Variants in PLXNA4 observed in about 807,000 individuals in gnomAD.
PLXNA4 encodes plexin-A4.
Under a neutral mutation model 191.8 loss-of-function variants are expected in PLXNA4, and 44 were observed. That is an observed-to-expected ratio of 0.23 (90% CI 0.18 to 0.29). The LOEUF (loss-of-function observed/expected upper bound fraction) is 0.29, where lower values mean the gene tolerates loss of function less well. Among genes scored for constraint, PLXNA4 ranks in the 10% least tolerant of loss-of-function variants. The probability of loss-of-function intolerance (pLI) is 1.00; values close to 1 mark genes in which losing one functional copy is unlikely to be tolerated. For synonymous variants in PLXNA4, 1,082 were observed against 1,009.5 expected (o/e 1.07, Z -1.36); for missense variants, 1,800 against 2,488.8 (o/e 0.72, Z 5.89).
At chr7:132,360,854 AC>A (rs1390192913) in intron 3 of PLXNA4, among the ~76,000 whole-genome samples, 1 of 152,166 alleles carries the variant, frequency 6.6e-6, no homozygotes, top group Non-Finnish European at 1.5e-5. Flanking sequence ...CCTCAAGTCT[AC>A]CGAGTGCATT....
intron 1 of PLXNA4, among the ~76,000 whole-genome samples, chr7:132,558,006 T>C (rs1375504899): frequency 1.3e-5 from 2 of 152,124 alleles, no homozygotes; most frequent in Non-Finnish European, 2.9e-5. Flanking sequence ...TCTAAGACAA[T>C]GCCTGCTTTC....
chr7:132,620,927 G>A (rs1261203072), intron 2 of PLXNA4, among the ~76,000 whole-genome samples: 1 of 152,110 alleles, frequency 6.6e-6, no homozygotes, highest in Non-Finnish European at 1.5e-5. Context: ...TCCAGTAAAG[G>A]CCTGCTTCTT....
chr7:132,539,522 G>A (rs1332844964), intron 1 of PLXNA4, among the ~76,000 whole-genome samples: 2 of 152,176 alleles, frequency 1.3e-5, no homozygotes, highest in African/African-American at 4.8e-5. Flanking sequence ...AGCCCTCCAG[G>A]AAGCTCTGAA....
At chr7:132,157,954 C>A (rs1033105753) in intron 25 of PLXNA4, among the ~76,000 whole-genome samples, 3 of 152,218 alleles carry the variant, frequency 2.0e-5, no homozygotes, top group Non-Finnish European at 4.4e-5. Context: ...CACAGACACA[C>A]AGGTCTGGTC....
intron 3 of PLXNA4, among the ~76,000 whole-genome samples, chr7:132,420,993 T>A (rs1794831158): frequency 6.6e-6 from 1 of 152,216 alleles, no homozygotes; most frequent in African/African-American, 2.4e-5. Context: ...AGGTATGTCT[T>A]TATCAGCAGT....
At chr7:132,410,908 G>T (rs147865459) in intron 3 of PLXNA4, among the ~76,000 whole-genome samples, 2 of 152,126 alleles carry the variant, frequency 1.3e-5, no homozygotes, top group Non-Finnish European at 1.5e-5. Context: ...AACCTCAGAC[G>T]TGAGCCCCAG....
At chr7:132,420,417 C>T (rs1051064493) in intron 3 of PLXNA4, among the ~76,000 whole-genome samples, 3 of 152,160 alleles carry the variant, frequency 2.0e-5, no homozygotes, top group Admixed American at 2.0e-4. Context: ...GAATCTATGG[C>T]TGGGCTCATC....
At chr7:132,264,364 G>C (rs1328043281) in intron 4 of PLXNA4, 2 of 152,228 alleles carry the variant, frequency 1.3e-5, no homozygotes, top group Non-Finnish European at 2.9e-5. Context: ...TTATTGTGGG[G>C]TCAACTGTCT....
chr7:132,416,466 G>A (rs191812876), intron 3 of PLXNA4, among the ~76,000 whole-genome samples: 12 of 152,258 alleles, frequency 7.9e-5, no homozygotes, highest in East Asian at 5.8e-4. Context: ...CAGTTATGTC[G>A]AAGGCTCTTC....
intron 1 of PLXNA4, among the ~76,000 whole-genome samples, chr7:132,545,741 T>C (rs1800274026): frequency 6.6e-6 from 1 of 151,198 alleles, no homozygotes; most frequent in African/African-American, 2.4e-5. Context: ...GGAACTAAGG[T>C]GTTAAGAAGT....
chr7:132,181,623 G>A lies in PLXNA4; in HGVS notation c.3253-3C>T, dbSNP rs778235177. ...GTAGCGTTCAGAACCTCACAGATCT[G>A]TGGGAGGAGCCACAGAGTGGAGTCT... On this transcript the variant is annotated splice_region_variant and splice_polypyrimidine_tract_variant and intron_variant, in intron 17 of 31. Coordinates refer to ENST00000321063, the MANE Select transcript of PLXNA4 (RefSeq NM_020911.2). 1.4e-5 allele frequency: 22 copies of A among 1,613,748 alleles called. 1 individual carries two copies. Among genetic ancestry groups the A allele is most frequent in the South Asian group, 1.3e-4 (12 of 91,076 alleles).
chr7:132,134,743 C>T (rs1049962672), intron 30 of PLXNA4, among the ~76,000 whole-genome samples: 2 of 152,194 alleles, frequency 1.3e-5, no homozygotes, highest in Non-Finnish European at 2.9e-5. Context: ...CCTGGGTGTT[C>T]AGACAGGCCG....
chr7:132,611,006 G>T (rs1242114006), intron 2 of PLXNA4, among the ~76,000 whole-genome samples: 1 of 152,200 alleles, frequency 6.6e-6, no homozygotes, highest in South Asian at 2.1e-4. Flanking sequence ...TCCAGTCACT[G>T]GTCTCCCCAA....
At chr7:132,445,271 CCTT>C (rs1344235737) in intron 3 of PLXNA4, among the ~76,000 whole-genome samples, 1 of 151,892 alleles carries the variant, frequency 6.6e-6, no homozygotes, top group Non-Finnish European at 1.5e-5. Context: ...ACCTGCTCCT[CCTT>C]CTATGTGATT....
intron 1 of PLXNA4, among the ~76,000 whole-genome samples, chr7:132,526,212 AGACTG>A (rs1240996025): frequency 5.3e-5 from 8 of 152,310 alleles, no homozygotes; most frequent in African/African-American, 1.9e-4. Context: ...CGAGTGGTAT[AGACTG>A]CACTCCTTGA....
intron 2 of PLXNA4, among the ~76,000 whole-genome samples, chr7:132,643,107 A>G (rs1203375313): frequency 1.3e-5 from 2 of 152,040 alleles, no homozygotes; most frequent in East Asian, 3.9e-4. Context: ...AGGAGGGGGA[A>G]GAAGAAAGAT....
chr7:132,301,141 G>T (rs140637694), intron 3 of PLXNA4, among the ~76,000 whole-genome samples: 2 of 152,104 alleles, frequency 1.3e-5, no homozygotes, highest in African/African-American at 4.8e-5. Flanking sequence ...AACTGGAAAG[G>T]CTCCTTCTCT....
intron 4 of PLXNA4, among the ~76,000 whole-genome samples, chr7:132,274,838 C>T (rs1800212158): frequency 6.8e-6 from 1 of 146,210 alleles, no homozygotes; most frequent in African/African-American, 2.6e-5. Flanking sequence ...GAACTCCTGG[C>T]CTCAACTAAT....
chr7:132,260,540 G>A (rs1799601369), intron 4 of PLXNA4, among the ~76,000 whole-genome samples: 1 of 152,166 alleles, frequency 6.6e-6, no homozygotes, highest in African/African-American at 2.4e-5. Flanking sequence ...AGGGGGCTGA[G>A]GGTTGAAAAA....
Sources: gnomAD v4.1 joint callset for allele counts (sites outside exome capture counted in the v4.1 genomes callset) on GRCh38, gnomAD v4.1.1 for gene constraint, MANE v1.5 for transcripts, NCBI Gene and HGNC (gene_info 2026-07-23, HGNC 2026-07-21) for gene names.